Variants in CDH10 observed in about 807,000 individuals in gnomAD.
The protein encoded by CDH10 is cadherin 10, also known as cadherin-10.
CDH10 carries 30 observed loss-of-function variants against 73.1 expected under a neutral mutation model. The ratio of observed to expected loss-of-function variants is 0.41; its 90% CI spans 0.31 to 0.56. The LOEUF (loss-of-function observed/expected upper bound fraction) is 0.56, where lower values mean the gene tolerates loss of function less well. Among genes scored for constraint, CDH10 ranks in the 20% least tolerant of loss-of-function variants. The pLI is 0.27. For synonymous variants in CDH10, 345 were observed against 348.2 expected (o/e 0.99, Z 0.10); for missense variants, 815 against 973.7 (o/e 0.84, Z 2.17).
intron 7 of CDH10, among the ~76,000 whole-genome samples, chr5:24,508,465 G>A (rs535792938): frequency 6.6e-6 from 1 of 152,184 alleles, no homozygotes; most frequent in African/African-American, 2.4e-5. Flanking sequence ...AACTTTGATG[G>A]CTGTGCATTA....
intron 2 of CDH10, among the ~76,000 whole-genome samples, chr5:24,583,288 TC>T (rs1745869403): frequency 6.6e-6 from 1 of 151,066 alleles, no homozygotes; most frequent in Admixed American, 6.6e-5. Flanking sequence ...ATAACACACG[TC>T]TTTACATGTT....
At chr5:24,554,508 GTGTGTGTGT>G (rs1164589159) in intron 2 of CDH10, among the ~76,000 whole-genome samples, 14 of 150,448 alleles carry the variant, frequency 9.3e-5, no homozygotes, top group African/African-American at 3.4e-4. Context: ...GTGTGTGTGT[GTGTGTGTGT>G]GTGCACGTGC....
At chr5:24,596,545 A>G (rs1746377364) in intron 1 of CDH10, among the ~76,000 whole-genome samples, 1 of 152,018 alleles carries the variant, frequency 6.6e-6, no homozygotes, top group Non-Finnish European at 1.5e-5. Flanking sequence ...CAAGGCTCAA[A>G]TCAATTAAAA....
In CDH10 at chr5:24,487,766, G is replaced by A. The variant is rs572268633; in HGVS notation, c.2264C>T (p.Thr755Ile). 4.3e-6 allele frequency: 7 copies of A among 1,613,858 alleles called. No individual in the cohort carries two copies. The African/African-American group carries it at 6.7e-5, about 15-fold the overall frequency. The change falls in exon 12 of 12, where the codon ACT (threonine) becomes ATT (isoleucine). Residue 755 changes from threonine (T) to isoleucine (I), a missense_variant. This residue lies in a region of CDH10 where 241 missense variants were observed against 240.3 expected (regional missense o/e 1.00). Transcript: ENST00000264463. Reference protein sequence around the residue: ...AESLSSLESGTTEGDQNYDYL... With the variant: ...AESLSSLESGITEGDQNYDYL... ...ATCGTAGTTTTGGTCTCCTTCAGTA[G>A]TACCTGATTCTAATGAACTCAGAGA...
chr5:24,605,372 G>C (rs1480567056), intron 1 of CDH10, among the ~76,000 whole-genome samples: 1 of 152,196 alleles, frequency 6.6e-6, no homozygotes, highest in African/African-American at 2.4e-5. Flanking sequence ...GGGGGGATTA[G>C]CTTCTCATAG....
At chr5:24,587,524 T>A (rs1259963624) in intron 2 of CDH10, among the ~76,000 whole-genome samples, 1 of 152,168 alleles carries the variant, frequency 6.6e-6, no homozygotes, top group Non-Finnish European at 1.5e-5. Context: ...ATTATGTGAA[T>A]TATGCAAATA....
At chr5:24,637,280 G>A (rs1039272367) in intron 1 of CDH10, among the ~76,000 whole-genome samples, 1 of 151,906 alleles carries the variant, frequency 6.6e-6, no homozygotes, top group Non-Finnish European at 1.5e-5. Context: ...GCAAATGAAG[G>A]AATGAAAGAA....
At position 24,593,356 on chromosome 5, in the gene CDH10, A is replaced by G. The variant is rs2112093011; in HGVS notation, c.135T>C (p.Asp45=). Residue 45 remains aspartate, a synonymous_variant, in exon 2 of 12, where the codon GAT becomes GAC. Coordinates refer to ENST00000264463, the MANE Select transcript of CDH10 (RefSeq NM_006727.5). ...GTTTTTGACGATGGAGAATTTTGCC[A>G]TCACTCCTTGGTACACGTGAACTTA... is the stretch of plus-strand genomic sequence containing the variant. The part of the protein sequence containing the change: ...RILSSRVPRS[D]GKILHRQKRG... 2 of 1,613,036 alleles carry G rather than the reference A, an allele frequency of 1.2e-6. No individual in the cohort carries two copies. Among genetic ancestry groups the G allele is most frequent in the Admixed American group, 1.7e-5 (1 of 59,956 alleles).
intron 2 of CDH10, among the ~76,000 whole-genome samples, chr5:24,571,021 G>C (rs907026648): frequency 6.6e-6 from 1 of 152,060 alleles, no homozygotes; most frequent in Admixed American, 6.5e-5. Context: ...GGATAAAGTA[G>C]AGGAATGGTG....
intron 5 of CDH10, among the ~76,000 whole-genome samples, chr5:24,527,654 T>C (rs1743582461): frequency 6.6e-6 from 1 of 151,890 alleles, no homozygotes. Context: ...ACAATGGTAT[T>C]TGTGTGTCTA....
chr5:24,591,179 A>G (rs16893579), intron 2 of CDH10, among the ~76,000 whole-genome samples: 12,597 of 152,066 alleles, frequency 0.083, 1,116 homozygotes, highest in African/African-American at 0.22. Context: ...TTGTAATTGT[A>G]TAAGTAATTA....
intron 1 of CDH10, among the ~76,000 whole-genome samples, chr5:24,594,404 T>A (rs1484126605): frequency 6.6e-6 from 1 of 151,538 alleles, no homozygotes; most frequent in African/African-American, 2.4e-5. Flanking sequence ...TCCTTAGAAA[T>A]CCATTAAAAT....
At chr5:24,616,852 C>T (rs1403824414) in intron 1 of CDH10, among the ~76,000 whole-genome samples, 3 of 152,118 alleles carry the variant, frequency 2.0e-5, no homozygotes, top group South Asian at 2.1e-4. Flanking sequence ...AGTGCATATA[C>T]TATTTTTCCT....
At chr5:24,640,079 G>A (rs1046032085) in intron 1 of CDH10, among the ~76,000 whole-genome samples, 6 of 151,794 alleles carry the variant, frequency 4.0e-5, no homozygotes, top group Non-Finnish European at 5.9e-5. Context: ...GTGCTATAAT[G>A]CAAAGGATAG....
intron 5 of CDH10, among the ~76,000 whole-genome samples, chr5:24,517,252 T>C (rs1190168148): frequency 6.6e-6 from 1 of 152,174 alleles, no homozygotes; most frequent in East Asian, 1.9e-4. Flanking sequence ...TTTTGTTTAA[T>C]CATTATTGCT....
chr5:24,487,237 A>C lies in CDH10; in HGVS notation c.*426T>G, dbSNP rs1002319239. 3 of 156,232 alleles carry C rather than the reference A, an allele frequency of 1.9e-5. No individual in the cohort carries two copies. The highest frequency in any genetic ancestry group is 4.3e-5 in the Non-Finnish European group (3 of 70,226). 9.7% of individuals were successfully genotyped at this position (156,232 alleles called of 1,614,324 possible). A position where few individuals can be genotyped will look rare whatever the true frequency, so the allele number is the denominator to read the frequency against. On this transcript the variant is annotated 3_prime_UTR_variant, in exon 12 of 12. Transcript: ENST00000264463. ...TGCATATCACACCTACTAACATCACATGTACATTTTTGTTTTTTTAATTTA... is the reference window on the plus strand; with the variant it reads ...TGCATATCACACCTACTAACATCACCTGTACATTTTTGTTTTTTTAATTTA...
chr5:24,489,774 ATTGT>A (rs975753389), intron 11 of CDH10, among the ~76,000 whole-genome samples: 17 of 152,114 alleles, frequency 1.1e-4, no homozygotes, highest in African/African-American at 4.1e-4. Flanking sequence ...ATGAATTATC[ATTGT>A]TTGGGGGGAA....
chr5:24,537,246 GA>G, intron 3 of CDH10, 133 bp downstream of exon 3: 1 of 592,132 alleles, frequency 1.7e-6, no homozygotes, highest in Non-Finnish European at 2.8e-6. Flanking sequence ...TCTCCTAAAA[GA>G]AAAAATAAAT....
intron 1 of CDH10, among the ~76,000 whole-genome samples, chr5:24,641,630 G>A (rs971395335): frequency 6.6e-6 from 1 of 151,954 alleles, no homozygotes; most frequent in Non-Finnish European, 1.5e-5. Flanking sequence ...GTGTCATTCC[G>A]AGAACGCTTC....
Sources: allele counts gnomAD v4.1 joint callset (sites outside exome capture counted in the v4.1 genomes callset), GRCh38; gene constraint gnomAD v4.1.1; regional missense constraint gnomAD v4.1.1; transcripts MANE v1.5; gene names NCBI Gene and HGNC (gene_info 2026-07-23, HGNC 2026-07-21).